ABLIM2: variants seen among roughly 807,000 people sequenced by gnomAD.
ABLIM2 encodes the protein actin-binding LIM protein 2.
ABLIM2 carries 53 observed loss-of-function variants against 97.7 expected under a neutral mutation model. The observed-to-expected ratio is 0.54, with a 90% CI of 0.44 to 0.68. ABLIM2 has a LOEUF of 0.68. Among genes scored for constraint, ABLIM2 ranks in the 30% least tolerant of loss-of-function variants. The pLI, the probability that ABLIM2 is intolerant of heterozygous loss-of-function variation, is 0.00. For synonymous variants in ABLIM2, 361 were observed against 345.8 expected (o/e 1.04, Z -0.49); for missense variants, 835 against 867.2 (o/e 0.96, Z 0.47).
In ABLIM2 at chr4:8,083,473, C is replaced by A. The variant is rs979185588; in HGVS notation, c.455-2671G>T. ...CCACTCTGCCTCCTACCATATTGGC[C>A]GGCGCCCTCCCCTGCCAAGAAGCTC... On this transcript the variant is annotated intron_variant, in intron 4 of 20. Transcript: ENST00000447017. The surrounding 1 kb of genome is among the most constrained non-coding windows in gnomAD (Gnocchi z 4.6). 2.0e-5 allele frequency among the ~76,000 whole-genome samples: 3 copies of A among 152,142 alleles called. No individual in the cohort carries two copies. The highest frequency in any genetic ancestry group is 2.9e-5 in the Non-Finnish European group (2 of 68,026).
chr4:8,114,879 C>T (rs962942049), intron 1 of ABLIM2, among the ~76,000 whole-genome samples: 2 of 152,208 alleles, frequency 1.3e-5, no homozygotes, highest in African/African-American at 2.4e-5. Context: ...CTGTGGGACC[C>T]CAGGCCCAGG....
At chr4:8,097,390 C>G (rs1044393384) in intron 2 of ABLIM2, 108 bp from the exon 3 acceptor site, 11 of 1,345,180 alleles carry the variant, frequency 8.2e-6, no homozygotes, top group Non-Finnish European at 1.1e-5. Context: ...CTGACACAGG[C>G]ACTGAGGCCT....
chr4:8,135,931 G>A (rs566395604), intron 1 of ABLIM2, among the ~76,000 whole-genome samples: 5 of 152,286 alleles, frequency 3.3e-5, no homozygotes, highest in South Asian at 2.1e-4. Context: ...CCTGGCAACC[G>A]GTCCCTGCTC....
chr4:8,031,619 C>T (rs928634016), intron 10 of ABLIM2, among the ~76,000 whole-genome samples: 5 of 152,160 alleles, frequency 3.3e-5, no homozygotes, highest in Admixed American at 6.5e-5. Flanking sequence ...AGTGCGTGAC[C>T]CTGGAAAGGT....
chr4:8,017,073 T>A (rs903939416), intron 14 of ABLIM2, among the ~76,000 whole-genome samples: 16 of 152,170 alleles, frequency 1.1e-4, no homozygotes, highest in Admixed American at 2.0e-4. Flanking sequence ...CTAGATGGTG[T>A]GTGGAAACAC....
Position 8,063,728 on chromosome 4 carries a change from A to G in ABLIM2, c.676-2674T>C, listed in dbSNP as rs150124346. ...ACCCCCTGCTCACATGCTCACTGCT[A>G]AGGCTTGAATGTTTGTCCCTGTTAG... On this transcript the variant is annotated intron_variant, in intron 6 of 20. Coordinates refer to ENST00000447017, the MANE Select transcript of ABLIM2 (RefSeq NM_001130083.2). Among the ~76,000 whole-genome samples, 307 of 152,358 alleles carry G rather than the reference A, an allele frequency of 2.0e-3. 1 individual carries two copies. The highest frequency in any genetic ancestry group is 6.9e-3 in the African/African-American group (288 of 41,588).
intron 7 of ABLIM2, among the ~76,000 whole-genome samples, chr4:8,059,861 T>C (rs775782608): frequency 1.3e-4 from 19 of 150,160 alleles, no homozygotes; most frequent in Non-Finnish European, 2.4e-4. Context: ...AGCCAAGATC[T>C]TGCCACTGCA....
rs2151011335 is a variant in ABLIM2 at position 8,023,856 on chromosome 4, G to A, written c.1268-3553C>T. On this transcript the variant is annotated intron_variant, in intron 12 of 20. Coordinates refer to ENST00000447017, the MANE Select transcript of ABLIM2 (RefSeq NM_001130083.2). This position sits in a 1 kb window ranked among gnomAD's most constrained non-coding sequence, Gnocchi z 5.7. ...ATCCAATGACACATCCTTCATCGTG[G>A]TGCTCCCAGTGGCCCAGTGTGTGCC... Among the ~76,000 whole-genome samples the A allele has an allele frequency of 6.6e-6, 1 of 152,258 alleles. No individual in the cohort carries two copies. Among genetic ancestry groups the A allele is most frequent in the South Asian group, 2.1e-4 (1 of 4,822 alleles).
At position 8,087,580 on chromosome 4, in the gene ABLIM2, G is replaced by C. The variant is rs1214642561; in HGVS notation, c.454+589C>G. The stretch of plus-strand genomic sequence containing the variant: ...GGTGGCCTGGAATTAACAGAGGGGA[G>C]CTGAGGGGAGTGAATGCCAGAGGGA... On this transcript the variant is annotated intron_variant, in intron 4 of 20. Coordinates refer to ENST00000447017, the MANE Select transcript of ABLIM2 (RefSeq NM_001130083.2). The surrounding 1 kb of genome is among the most constrained non-coding windows in gnomAD (Gnocchi z 4.6). Among the ~76,000 whole-genome samples, 1 of 152,206 alleles carries C rather than the reference G, an allele frequency of 6.6e-6. No individual in the cohort carries two copies. The highest frequency in any genetic ancestry group is 1.5e-5 in the Non-Finnish European group (1 of 68,044).
At position 7,983,581 on chromosome 4, in the gene ABLIM2, C is replaced by T. The variant is rs770773180; in HGVS notation, c.1736-27G>A. On this transcript the variant is annotated intron_variant, in intron 18 of 20. Coordinates refer to ENST00000447017, the MANE Select transcript of ABLIM2 (RefSeq NM_001130083.2). The stretch of plus-strand genomic sequence containing the variant: ...TGTAAGAGAGAGAGAGCGGAGACCA[C>T]GAAATGGTTTAGAAAGTGCAAGATG... The T allele has an allele frequency of 9.2e-5, 148 of 1,611,676 alleles. 1 individual carries two copies. The highest frequency in any genetic ancestry group is 1.2e-4 in the Non-Finnish European group (138 of 1,179,118).
chr4:8,071,240 C>T lies in ABLIM2; in HGVS notation c.675+6388G>A, dbSNP rs1811816392. Among the ~76,000 whole-genome samples, 1 of 152,156 alleles carries T rather than the reference C, an allele frequency of 6.6e-6. No homozygotes were observed. The highest frequency in any genetic ancestry group is 1.5e-5 in the Non-Finnish European group (1 of 68,024). On this transcript the variant is annotated intron_variant, in intron 6 of 20. Coordinates refer to ENST00000447017, the MANE Select transcript of ABLIM2 (RefSeq NM_001130083.2). The surrounding 1 kb of genome is among the most constrained non-coding windows in gnomAD (Gnocchi z 6.2). The stretch of plus-strand genomic sequence containing the variant: ...GCCACCCACCTCTGCTGCCCCAGCC[C>T]AGTGCCTCCCCCATCCCTAGCCAGC...
intron 4 of ABLIM2, among the ~76,000 whole-genome samples, chr4:8,086,187 G>A (rs1433763607): frequency 6.6e-6 from 1 of 151,214 alleles, no homozygotes; most frequent in East Asian, 1.9e-4. Context: ...GGGGTCCGGG[G>A]AACATTTGTT....
chr4:8,036,305 G>GA lies in ABLIM2; in HGVS notation c.901-11dup. 1 of 1,613,098 alleles carries GA rather than the reference G, an allele frequency of 6.2e-7. No individual in the cohort carries two copies. Among genetic ancestry groups the GA allele is most frequent in the South Asian group, 1.1e-5 (1 of 90,986 alleles). On this transcript the variant is annotated splice_polypyrimidine_tract_variant and intron_variant, in intron 9 of 20. Transcript: ENST00000447017. ...CACCACCAAGCTTGGCCTGAGAGGG[G>GA]AAAGAGAATTGGGGAGGGGACAGTC... is the stretch of plus-strand genomic sequence containing the variant.
rs115535459 is a variant in ABLIM2, at chr4:8,115,761, T to C, written c.11-9124A>G. On this transcript the variant is annotated intron_variant, in intron 1 of 20. Transcript: ENST00000447017. Reference sequence around the variant, plus strand: ...CTGATGGGGTCTAAAGCCCCTCACCTTGAACCTGGGTGGACCTCTGCAACT... The same window carrying C: ...CTGATGGGGTCTAAAGCCCCTCACCCTGAACCTGGGTGGACCTCTGCAACT... Among the ~76,000 whole-genome samples the C allele has an allele frequency of 2.3e-3, 346 of 152,338 alleles. 2 individuals carry two copies. Among genetic ancestry groups the C allele is most frequent in the African/African-American group, 7.8e-3 (325 of 41,584 alleles).
chr4:8,108,852 G>A (rs1270456375), intron 1 of ABLIM2, among the ~76,000 whole-genome samples: 1 of 152,222 alleles, frequency 6.6e-6, no homozygotes, highest in African/African-American at 2.4e-5. Flanking sequence ...TTCCACAGCA[G>A]TCTAACGCCA....
intron 20 of ABLIM2, among the ~76,000 whole-genome samples, chr4:7,982,068 C>T (rs775952631): frequency 1.3e-5 from 2 of 152,094 alleles, no homozygotes; most frequent in East Asian, 3.9e-4. Context: ...TCAGCTGCAC[C>T]CATGCCCCTC....
intron 6 of ABLIM2, among the ~76,000 whole-genome samples, chr4:8,077,295 G>C (rs977386646): frequency 7.2e-5 from 11 of 152,300 alleles, no homozygotes; most frequent in African/African-American, 2.4e-4. Flanking sequence ...ACGAGGTCCT[G>C]GTGTGGGCTC....
chr4:8,050,482 G>C (rs1032943481), intron 8 of ABLIM2, among the ~76,000 whole-genome samples: 1 of 152,140 alleles, frequency 6.6e-6, no homozygotes, highest in African/African-American at 2.4e-5. Flanking sequence ...TCCTGTGAGG[G>C]TCCTGGAGTC....
At chr4:7,973,492 C>A (rs537410813) in intron 20 of ABLIM2, among the ~76,000 whole-genome samples, 3 of 145,782 alleles carry the variant, frequency 2.1e-5, no homozygotes, top group African/African-American at 7.6e-5. Context: ...CAGAGTGAGA[C>A]TACGTCTTGA....
Sources: allele counts gnomAD v4.1 joint callset (sites outside exome capture counted in the v4.1 genomes callset), GRCh38; gene constraint gnomAD v4.1.1; non-coding constraint Gnocchi (gnomAD v3.1); transcripts MANE v1.5; gene names NCBI Gene and HGNC (gene_info 2026-07-23, HGNC 2026-07-21).